The following JARID2 variants were observed in gnomAD, a reference collection of about 807,000 sequenced individuals.
The protein encoded by JARID2 is jumonji and AT-rich interaction domain containing 2.
In JARID2, 21 loss-of-function variants were observed where a neutral mutation model predicts 125.6. That is an observed-to-expected ratio of 0.17 (90% CI 0.12 to 0.24). JARID2 has a LOEUF of 0.24. JARID2 is among the 10% of genes least tolerant of loss of function. The pLI is 1.00. For synonymous variants in JARID2, 736 were observed against 661.6 expected (o/e 1.11, Z -1.73); for missense variants, 1,303 against 1,639.6 (o/e 0.79, Z 3.55).
chr6:15,368,877 GAAACT>G, intron 1 of JARID2: 1 of 358,708 alleles, frequency 2.8e-6, no homozygotes, highest in African/African-American at 2.1e-5. Context: ...CAGAGCTTCT[GAAACT>G]TGACCGTGTA....
chr6:15,520,690 C>CACACAA lies in JARID2; in HGVS notation c.*444_*445insAACACA, dbSNP rs1554149635. ...TTAGAAGGGATAGGAGACACACGCG[C>CACACAA]ACACACACACACACACGAAACTTGA... On this transcript the variant is annotated 3_prime_UTR_variant, in exon 18 of 18. Transcript: ENST00000341776. The CACACAA allele has an allele frequency of 3.5e-6, 1 of 289,506 alleles. No homozygotes were observed. Among genetic ancestry groups the CACACAA allele is most frequent in the East Asian group, 1.0e-4 (1 of 10,046 alleles). The allele number at this position is 289,506 out of a possible 1,614,324, so 17.9% of individuals were successfully genotyped here.
intron 6 of JARID2, among the ~76,000 whole-genome samples, chr6:15,491,975 G>T (rs1441989227): frequency 6.6e-6 from 1 of 152,258 alleles, no homozygotes; most frequent in African/African-American, 2.4e-5. Flanking sequence ...ATTGTTGCCA[G>T]TACTCATCTG....
intron 8 of JARID2, among the ~76,000 whole-genome samples, chr6:15,504,117 C>T (rs559518693): frequency 1.2e-4 from 18 of 149,746 alleles, no homozygotes; most frequent in Non-Finnish European, 2.1e-4. Context: ...CTGCTGATAG[C>T]TTCTCCGCTG....
chr6:15,253,271 G>C (rs1408581538), intron 1 of JARID2, among the ~76,000 whole-genome samples: 2 of 152,060 alleles, frequency 1.3e-5, no homozygotes, highest in East Asian at 3.8e-4. Context: ...CACTATGTTG[G>C]CCAGGCTGGT....
At chr6:15,300,990 A>G (rs1330490567) in intron 1 of JARID2, among the ~76,000 whole-genome samples, 1 of 152,180 alleles carries the variant, frequency 6.6e-6, no homozygotes, top group Non-Finnish European at 1.5e-5. Context: ...ATACTGGGGT[A>G]AGAAGGTTCT....
At chr6:15,286,987 C>T (rs868711407) in intron 1 of JARID2, among the ~76,000 whole-genome samples, 43 of 152,088 alleles carry the variant, frequency 2.8e-4, no homozygotes, top group African/African-American at 9.4e-4. Flanking sequence ...TGGTGGCAGG[C>T]GCCTGTAATC....
intron 2 of JARID2, among the ~76,000 whole-genome samples, chr6:15,378,245 C>A (rs1474888239): frequency 7.0e-6 from 1 of 142,286 alleles, no homozygotes; most frequent in East Asian, 2.1e-4. Context: ...GATTCCTTTT[C>A]AAATGTCAAA....
chr6:15,496,059 G>A (rs942084597), intron 6 of JARID2, 73 bp from the exon 7 acceptor site: 62 of 1,288,778 alleles, frequency 4.8e-5, no homozygotes, highest in Admixed American at 5.9e-5. Flanking sequence ...CCTTTCTCAC[G>A]GGTGGGCCGG....
chr6:15,367,697 A>G (rs1764027994), intron 1 of JARID2, among the ~76,000 whole-genome samples: 1 of 152,184 alleles, frequency 6.6e-6, no homozygotes, highest in Non-Finnish European at 1.5e-5. Context: ...CTTTGACTCT[A>G]AAGGGAGAAA....
At chr6:15,297,383 C>A (rs924464234) in intron 1 of JARID2, among the ~76,000 whole-genome samples, 1 of 152,056 alleles carries the variant, frequency 6.6e-6, no homozygotes, top group Non-Finnish European at 1.5e-5. Flanking sequence ...CTCCTGACCT[C>A]ATGATCTACC....
intron 3 of JARID2, among the ~76,000 whole-genome samples, chr6:15,430,309 T>G (rs995288743): frequency 1.3e-5 from 2 of 152,220 alleles, no homozygotes; most frequent in South Asian, 4.1e-4. Flanking sequence ...TATGACCACT[T>G]TATAGAATAT....
At chr6:15,411,688 A>C (rs1033784090) in intron 3 of JARID2, among the ~76,000 whole-genome samples, 4 of 152,258 alleles carry the variant, frequency 2.6e-5, no homozygotes, top group Non-Finnish European at 5.9e-5. Context: ...AAATTGTGTC[A>C]GTAAATATAT....
intron 4 of JARID2, among the ~76,000 whole-genome samples, chr6:15,463,343 T>C (rs548917371): frequency 5.2e-4 from 79 of 152,060 alleles, no homozygotes; most frequent in African/African-American, 1.8e-3. Flanking sequence ...ACTTGCTAAA[T>C]AATGTGAACA....
At chr6:15,416,179 G>C (rs1040033107) in intron 3 of JARID2, among the ~76,000 whole-genome samples, 1 of 151,892 alleles carries the variant, frequency 6.6e-6, no homozygotes, top group Non-Finnish European at 1.5e-5. Context: ...TGGCGGCCGG[G>C]CAGAGACGCT....
intron 2 of JARID2, among the ~76,000 whole-genome samples, chr6:15,386,101 T>C (rs1764774689): frequency 6.6e-6 from 1 of 152,126 alleles, no homozygotes; most frequent in Non-Finnish European, 1.5e-5. Flanking sequence ...TTTTTGTACT[T>C]TTACTAATAT....
intron 3 of JARID2, among the ~76,000 whole-genome samples, chr6:15,436,844 G>T (rs1219008977): frequency 2.0e-5 from 3 of 151,714 alleles, no homozygotes; most frequent in Non-Finnish European, 4.4e-5. Flanking sequence ...TTTATATTCT[G>T]TGTTTTCCTA....
chr6:15,249,623 G>T (rs1385669515), intron 1 of JARID2, among the ~76,000 whole-genome samples: 1 of 152,180 alleles, frequency 6.6e-6, no homozygotes, highest in Non-Finnish European at 1.5e-5. Context: ...AAGTAAGGTG[G>T]CATTATTACT....
In JARID2 at chr6:15,520,488, A is replaced by G. The variant is rs1581680723; in HGVS notation, c.*237A>G. The G allele has an allele frequency of 4.9e-6, 2 of 406,894 alleles. No homozygotes were observed. Among genetic ancestry groups the G allele is most frequent in the East Asian group, 8.7e-5 (2 of 23,048 alleles). The allele number at this position is 406,894 out of a possible 1,614,324, so 25.2% of individuals were successfully genotyped here. On this transcript the variant is annotated 3_prime_UTR_variant, in exon 18 of 18. Transcript: ENST00000341776. ...CTGCCGTATAGTCACTGTTTTAAAA[A>G]CCCCGGAGGGGCTGTATTAATTTGT...
At chr6:15,309,010 C>A (rs1237212090) in intron 1 of JARID2, among the ~76,000 whole-genome samples, 1 of 152,170 alleles carries the variant, frequency 6.6e-6, no homozygotes, top group Non-Finnish European at 1.5e-5. Context: ...GAAGCTGGCC[C>A]AATATCTTTC....
Sources: allele counts gnomAD v4.1 joint callset (sites outside exome capture counted in the v4.1 genomes callset), GRCh38; gene constraint gnomAD v4.1.1; transcripts MANE v1.5; gene names NCBI Gene and HGNC (gene_info 2026-07-23, HGNC 2026-07-21).